The following FSTL4 variants were observed in gnomAD, a reference collection of about 807,000 sequenced individuals.
FSTL4 encodes the protein follistatin like 4.
Under a neutral mutation model 78.2 loss-of-function variants are expected in FSTL4, and 28 were observed. The ratio of observed to expected loss-of-function variants is 0.36; its 90% confidence interval spans 0.27 to 0.49. The LOEUF (loss-of-function observed/expected upper bound fraction) is 0.49, where lower values mean the gene tolerates loss of function less well. Ranked by LOEUF, FSTL4 falls within the 20% of genes least tolerant of loss-of-function variation. The pLI is 0.98. For missense variants in FSTL4, 922 were observed against 1,084.9 expected (o/e 0.85, Z 2.11); for synonymous variants, 422 against 440.5 (o/e 0.96, Z 0.53).
At chr5:133,299,894 C>T (rs1753494052) in intron 6 of FSTL4, among the ~76,000 whole-genome samples, 1 of 152,228 alleles carries the variant, frequency 6.6e-6, no homozygotes, top group Non-Finnish European at 1.5e-5. Flanking sequence ...GGGCAGACAT[C>T]TGCATTTAGC....
chr5:133,328,268 C>A (rs1754263332), intron 4 of FSTL4, among the ~76,000 whole-genome samples: 1 of 152,178 alleles, frequency 6.6e-6, no homozygotes, highest in African/African-American at 2.4e-5. Flanking sequence ...CAATTTGCAC[C>A]CCAGCATCAG....
At chr5:133,232,708 C>A (rs1425581727) in intron 8 of FSTL4, among the ~76,000 whole-genome samples, 3 of 152,140 alleles carry the variant, frequency 2.0e-5, no homozygotes, top group Non-Finnish European at 4.4e-5. Context: ...GGCAAGTGAC[C>A]TTTTTTAGCA....
Position 133,198,242 on chromosome 5 carries a change from T to A in FSTL4, c.*853A>T, listed in dbSNP as rs551039438. ...CTGAAAGGAGGCACACAGAACTTGT[T>A]CTGGTTTTTTGGGGTCCCAACACAG... On this transcript the variant is annotated 3_prime_UTR_variant, in exon 16 of 16. Coordinates refer to ENST00000265342, the MANE Select transcript of FSTL4 (RefSeq NM_015082.2). The A allele has an allele frequency of 6.6e-6, 1 of 152,636 alleles. No individual in the cohort carries two copies. The highest frequency in any genetic ancestry group is 1.9e-4 in the East Asian group (1 of 5,166). The allele number at this position is 152,636 out of a possible 1,614,324, so 9.5% of individuals were successfully genotyped here.
chr5:133,271,923 T>C (rs968039396), intron 6 of FSTL4, among the ~76,000 whole-genome samples: 2 of 152,322 alleles, frequency 1.3e-5, no homozygotes, highest in Non-Finnish European at 2.9e-5. Context: ...GATGCCCTCC[T>C]GGGACCTCAA....
chr5:133,210,618 G>A (rs1372380736), intron 13 of FSTL4, among the ~76,000 whole-genome samples: 2 of 151,762 alleles, frequency 1.3e-5, no homozygotes, highest in Middle Eastern at 3.2e-3. Flanking sequence ...TCAGCCTCCC[G>A]AGTAGCTGGG....
intron 3 of FSTL4, among the ~76,000 whole-genome samples, chr5:133,538,176 T>C (rs763642122): frequency 8.5e-5 from 13 of 152,286 alleles, no homozygotes; most frequent in South Asian, 4.1e-4. Context: ...TTAGTTGTTA[T>C]GTCTCTTTAG....
chr5:133,247,977 C>G (rs1752094648), intron 7 of FSTL4: 1 of 152,280 alleles, frequency 6.6e-6, no homozygotes, highest in Admixed American at 6.5e-5. Flanking sequence ...CATGCTGGGT[C>G]TCTCTCCCCA....
chr5:133,513,400 T>C (rs1758778994), intron 3 of FSTL4, among the ~76,000 whole-genome samples: 1 of 152,138 alleles, frequency 6.6e-6, no homozygotes, highest in African/African-American at 2.4e-5. Flanking sequence ...CAGGAATACA[T>C]GAAATTCACA....
the FSTL4 span, among the ~76,000 whole-genome samples, chr5:133,758,799 C>T: frequency 6.6e-6 from 1 of 152,256 alleles, no homozygotes; most frequent in East Asian, 1.9e-4. Context: ...TCAGATCTTC[C>T]ATAAGGTTAC....
At chr5:133,315,946 G>A (rs1403081870) in intron 5 of FSTL4, among the ~76,000 whole-genome samples, 1 of 152,208 alleles carries the variant, frequency 6.6e-6, no homozygotes, top group Non-Finnish European at 1.5e-5. Context: ...AGGGGAGGGA[G>A]GCAAACCTCA....
the FSTL4 span, among the ~76,000 whole-genome samples, chr5:133,632,560 A>T: frequency 1.3e-5 from 2 of 152,282 alleles, no homozygotes; most frequent in Non-Finnish European, 2.9e-5. Context: ...TTATCATTTT[A>T]TTCCTGAAGA....
chr5:133,337,429 T>G (rs1754488916), intron 4 of FSTL4, among the ~76,000 whole-genome samples: 1 of 152,110 alleles, frequency 6.6e-6, no homozygotes, highest in Admixed American at 6.5e-5. Context: ...TTAATTGGGG[T>G]GCATTAGCGC....
chr5:133,439,886 C>A (rs1475140710), intron 3 of FSTL4, among the ~76,000 whole-genome samples: 1 of 152,172 alleles, frequency 6.6e-6, no homozygotes, highest in Non-Finnish European at 1.5e-5. Flanking sequence ...GCTAGAAATG[C>A]CTTCATTAGG....
chr5:133,303,911 G>T (rs778265619), intron 6 of FSTL4, among the ~76,000 whole-genome samples: 121 of 152,234 alleles, frequency 7.9e-4, no homozygotes, highest in Non-Finnish European at 5.6e-4. Context: ...GACAAGGGCA[G>T]TGCTGGCAGG....
chr5:133,636,801 G>A, the FSTL4 span, among the ~76,000 whole-genome samples: 2 of 152,126 alleles, frequency 1.3e-5, no homozygotes, highest in Non-Finnish European at 2.9e-5. Flanking sequence ...GGTAGAACTA[G>A]TAAAATCAAA....
chr5:133,221,909 T>TG lies in FSTL4; in HGVS notation c.1340-1044_1340-1043insC, dbSNP rs1751134298. On this transcript the variant is annotated intron_variant, in intron 11 of 15. Transcript: ENST00000265342. ...TTTTCTAGTTTTTTTTTTTTTTTTTTTTTTTTTTTTTTTTTTTTAGCATGC... is the reference window on the plus strand; with the variant it reads ...TTTTCTAGTTTTTTTTTTTTTTTTTTGTTTTTTTTTTTTTTTTTTAGCATGC... 7.9e-4 allele frequency among the ~76,000 whole-genome samples: 91 copies of TG among 114,510 alleles called. 2 individuals carry two copies. The highest frequency in any genetic ancestry group is 3.7e-3 in the African/African-American group (84 of 22,760). The allele number at this position is 114,510 out of a possible 152,430, so 75.1% of individuals were successfully genotyped here.
At chr5:133,645,551 G>C in the FSTL4 span, among the ~76,000 whole-genome samples, 1 of 152,076 alleles carries the variant, frequency 6.6e-6, no homozygotes, top group East Asian at 1.9e-4. Context: ...AAGTATAGTA[G>C]GCTGACTGGT....
upstream of FSTL4, among the ~76,000 whole-genome samples, chr5:133,612,863 G>T (rs1189722153): frequency 6.6e-6 from 1 of 152,198 alleles, no homozygotes; most frequent in Non-Finnish European, 1.5e-5. The surrounding 1 kb of genome is among the most constrained non-coding windows in gnomAD (Gnocchi z 6.2). Flanking sequence ...CAGGCGCACA[G>T]GGGGTCTCTG....
At chr5:133,251,457 T>C (rs1359544191) in intron 6 of FSTL4, among the ~76,000 whole-genome samples, 2 of 152,198 alleles carry the variant, frequency 1.3e-5, no homozygotes, top group African/African-American at 4.8e-5. Context: ...TAACTGAAGC[T>C]TGAGAAACTT....
Sources: allele counts gnomAD v4.1 joint callset (sites outside exome capture counted in the v4.1 genomes callset), GRCh38; gene constraint gnomAD v4.1.1; non-coding constraint Gnocchi (gnomAD v3.1); transcripts MANE v1.5; gene names NCBI Gene and HGNC (gene_info 2026-07-23, HGNC 2026-07-21).